PLCE1: variants seen among roughly 807,000 people sequenced by gnomAD.
The protein encoded by PLCE1 is phospholipase C epsilon 1, also known as 1-phosphatidylinositol 4,5-bisphosphate phosphodiesterase epsilon-1.
In PLCE1, 119 loss-of-function variants were observed where a neutral mutation model predicts 242.8. The ratio of observed to expected loss-of-function variants is 0.49; its 90% CI spans 0.42 to 0.57. The LOEUF is 0.57. Ranked by LOEUF, PLCE1 falls within the 20% of genes least tolerant of loss-of-function variation. The probability of loss-of-function intolerance (pLI) is 0.00; values close to 1 mark genes in which losing one functional copy is unlikely to be tolerated. For missense variants in PLCE1, 2,441 were observed against 2,788.8 expected, an observed-to-expected ratio of 0.88 and a Z score of 2.81; for synonymous variants, 945 against 1,017.4, an observed-to-expected ratio of 0.93 and a Z score of 1.35.
At chr10:94,137,413 GA>G (rs1374254943) in intron 3 of PLCE1, among the ~76,000 whole-genome samples, 1 of 152,066 alleles carries the variant, frequency 6.6e-6, no homozygotes, top group Non-Finnish European at 1.5e-5. Context: ...AAAAGGGAGA[GA>G]AAAAATTGAG....
chr10:94,306,120 C>T lies in PLCE1; in HGVS notation c.5623-307C>T, dbSNP rs570589617. Among the ~76,000 whole-genome samples the T allele has an allele frequency of 1.3e-5, 2 of 152,040 alleles. No individual in the cohort carries two copies. The highest frequency in any genetic ancestry group is 2.1e-4 in the South Asian group (1 of 4,806). On this transcript the variant is annotated intron_variant, in intron 25 of 32. Coordinates refer to ENST00000371380, the MANE Select transcript of PLCE1 (RefSeq NM_016341.4). This position sits in a 1 kb window ranked among gnomAD's most constrained non-coding sequence, Gnocchi z 5.7. ...CCTAATAGCTGGGACTACAGGCGCA[C>T]ACCACCATGCCCAGCTAATTTTTTG...
intron 2 of PLCE1, among the ~76,000 whole-genome samples, chr10:94,060,001 T>C (rs1396915686): frequency 6.6e-6 from 1 of 152,134 alleles, no homozygotes; most frequent in African/African-American, 2.4e-5. Context: ...AGTGGAAGTG[T>C]TTTTTGTGTT....
At chr10:94,276,025 G>T (rs1298790891) in intron 19 of PLCE1, among the ~76,000 whole-genome samples, 1 of 151,990 alleles carries the variant, frequency 6.6e-6, no homozygotes, top group Non-Finnish European at 1.5e-5. Context: ...CTTGGTTTTG[G>T]TATATTATTA....
intron 5 of PLCE1, among the ~76,000 whole-genome samples, chr10:94,228,494 C>T (rs547869234): frequency 1.4e-4 from 21 of 152,222 alleles, no homozygotes; most frequent in Middle Eastern, 3.4e-3. Flanking sequence ...GACACATGTG[C>T]GTGGCGTATA....
At position 94,234,050 on chromosome 10, in the gene PLCE1, A is replaced by G. The variant is rs750800869; in HGVS notation, c.1956-4A>G. 5.0e-6 allele frequency: 8 copies of G among 1,612,430 alleles called. No homozygotes were observed. Among genetic ancestry groups the G allele is most frequent in the Admixed American group, 1.7e-5 (1 of 59,996 alleles). On this transcript the variant is annotated splice_polypyrimidine_tract_variant and splice_region_variant and intron_variant, in intron 5 of 32. Coordinates refer to ENST00000371380, the MANE Select transcript of PLCE1 (RefSeq NM_016341.4). ...GTCTGAAAAATGTCATTTACTTGCA[A>G]TAGGTCAAGAAAAGTTTTAAAAATG...
At chr10:94,284,692 C>T (rs928901066) in intron 21 of PLCE1, among the ~76,000 whole-genome samples, 156 bp from the exon 22 acceptor site, 1 of 152,142 alleles carries the variant, frequency 6.6e-6, no homozygotes, top group Non-Finnish European at 1.5e-5. Flanking sequence ...AAAGCTTTTA[C>T]TCTAGGAAAG....
At chr10:94,143,372 C>T (rs1445064367) in intron 3 of PLCE1, among the ~76,000 whole-genome samples, 2 of 152,134 alleles carry the variant, frequency 1.3e-5, no homozygotes, top group African/African-American at 2.4e-5. Context: ...ATGACTTACT[C>T]ATTACAATAA....
chr10:94,020,243 T>G (rs1935959), intron 1 of PLCE1, among the ~76,000 whole-genome samples: 84,575 of 151,982 alleles, frequency 0.56, 25,036 homozygotes, highest in African/African-American at 0.75. Context: ...CTATTTCCCT[T>G]ATGACTAATG....
chr10:94,098,294 T>C, intron 2 of PLCE1, among the ~76,000 whole-genome samples: 1 of 152,188 alleles, frequency 6.6e-6, no homozygotes, highest in South Asian at 2.1e-4. Context: ...GACCCCCTCT[T>C]TACCCATCAC....
At chr10:94,015,305 T>C (rs1589857189) in intron 1 of PLCE1, among the ~76,000 whole-genome samples, 1 of 152,174 alleles carries the variant, frequency 6.6e-6, no homozygotes, top group Non-Finnish European at 1.5e-5. Flanking sequence ...CTGTCATCCA[T>C]TGCAGGAAAG....
rs758950503 is a variant in PLCE1 at position 94,316,608 on chromosome 10, A to T, written c.6194A>T (p.Lys2065Ile). ...VTTDYFLMEE[K>I]YFISKEKNEC... ...ACAGACTATTTTTTGATGGAAGAAA[A>T]ATATTTTATATCTAAAGAAAAGAAT... is the stretch of plus-strand genomic sequence containing the variant. The change falls in exon 29 of 33, where the codon AAA becomes ATA. Residue 2065 changes from lysine to isoleucine, a missense_variant. Coordinates refer to ENST00000371380, the MANE Select transcript of PLCE1 (RefSeq NM_016341.4). The T allele has an allele frequency of 6.2e-7, 1 of 1,608,768 alleles. No individual in the cohort carries two copies. Among genetic ancestry groups the T allele is most frequent in the South Asian group, 1.1e-5 (1 of 90,858 alleles).
At chr10:94,011,030 T>C (rs1222174736) in intron 1 of PLCE1, among the ~76,000 whole-genome samples, 1 of 152,164 alleles carries the variant, frequency 6.6e-6, no homozygotes, top group East Asian at 1.9e-4. Context: ...CAGTCCCCAG[T>C]ACTGATTTTC....
intron 2 of PLCE1, among the ~76,000 whole-genome samples, chr10:94,046,139 T>C (rs1222834568): frequency 6.6e-6 from 1 of 152,166 alleles, no homozygotes; most frequent in African/African-American, 2.4e-5. Flanking sequence ...GATGCCCTTT[T>C]AATTTGGATG....
intron 1 of PLCE1, among the ~76,000 whole-genome samples, chr10:94,008,781 C>T (rs372463851): frequency 3.9e-5 from 6 of 152,164 alleles, no homozygotes; most frequent in South Asian, 2.1e-4. Context: ...TCTGGGGCAA[C>T]AAGAGGCACA....
rs2046426041 is a variant in PLCE1, at chr10:94,126,030, T to G, written c.1207-6144T>G. Among the ~76,000 whole-genome samples the G allele has an allele frequency of 2.0e-5, 3 of 152,244 alleles. No homozygotes were observed. In the South Asian group the frequency reaches 6.2e-4, roughly 32 times the overall value. ...TCAGTATGCTTGTTTTCTTTTGTTTTGGGCCTAAACTCCACATCCTAGTAC... is the reference window on the plus strand; with the variant it reads ...TCAGTATGCTTGTTTTCTTTTGTTTGGGGCCTAAACTCCACATCCTAGTAC... On this transcript the variant is annotated intron_variant, in intron 2 of 32. Transcript: ENST00000371380.
At chr10:94,263,374 T>C (rs1286846525) in intron 14 of PLCE1, among the ~76,000 whole-genome samples, 1 of 151,156 alleles carries the variant, frequency 6.6e-6, no homozygotes, top group Non-Finnish European at 1.5e-5. Context: ...ATTAGCCAGG[T>C]GTGGTGGTGC....
chr10:94,084,466 T>C (rs1254750638), intron 2 of PLCE1, among the ~76,000 whole-genome samples: 2 of 152,136 alleles, frequency 1.3e-5, no homozygotes, highest in Non-Finnish European at 2.9e-5. Flanking sequence ...CTATTCCTCT[T>C]CTGTAAAACC....
intron 20 of PLCE1, chr10:94,283,449 C>T (rs1025809150): frequency 9.9e-6 from 3 of 303,842 alleles, no homozygotes; most frequent in African/African-American, 2.2e-5. Flanking sequence ...CTTCTTGACA[C>T]GGGGTATCTT....
At position 94,031,950 on chromosome 10, in the gene PLCE1, G is replaced by A. The variant is rs773458204; in HGVS notation, c.904G>A (p.Asp302Asn). 24 of 1,613,686 alleles carry A rather than the reference G, an allele frequency of 1.5e-5. No individual in the cohort carries two copies. The highest frequency in any genetic ancestry group is 1.9e-5 in the Non-Finnish European group (23 of 1,179,802). Residue 302 changes from aspartate (D) to asparagine (N), a missense_variant, in exon 2 of 33, where the codon GAC becomes AAC. By Grantham distance (23) the Asp-to-Asn change is conservative. Coordinates refer to ENST00000371380, the MANE Select transcript of PLCE1 (RefSeq NM_016341.4). ...AAKTFLSHFE[D>N]FPDNCDDVEE... ...CAAGACCTTTTTGAGCCATTTTGAG[G>A]ACTTCCCTGATAATTGTGATGATGT...
Sources: gnomAD v4.1 joint callset for allele counts (sites outside exome capture counted in the v4.1 genomes callset) on GRCh38, gnomAD v4.1.1 for gene constraint, Gnocchi (gnomAD v3.1) non-coding constraint, MANE v1.5 for transcripts, NCBI Gene and HGNC (gene_info 2026-07-23, HGNC 2026-07-21) for gene names.